Variants in GLRA2 observed in about 807,000 individuals in gnomAD.
The protein encoded by GLRA2 is glycine receptor alpha 2, also known as glycine receptor subunit alpha-2.
In GLRA2, 11 loss-of-function variants were observed where a neutral mutation model predicts 31.6. The ratio of observed to expected loss-of-function variants is 0.35; its 90% CI spans 0.22 to 0.58. The LOEUF (loss-of-function observed/expected upper bound fraction) is 0.58, where lower values mean the gene tolerates loss of function less well. GLRA2 is among the 20% of genes least tolerant of loss of function. The pLI, the probability that GLRA2 is intolerant of heterozygous loss-of-function variation, is 0.84. For missense variants in GLRA2, 212 were observed against 351.8 expected, an observed-to-expected ratio of 0.60 and a Z score of 3.18; for synonymous variants, 132 against 134.0, an observed-to-expected ratio of 0.99 and a Z score of 0.10.
intron 7 of GLRA2, among the ~76,000 whole-genome samples, chrX:14,681,913 AT>A (rs2091213279): frequency 5.0e-5 from 3 of 59,808 alleles, no homozygotes; most frequent in African/African-American, 1.7e-4. Flanking sequence ...AAAAAAAAAT[AT>A]ATATATATAT....
intron 8 of GLRA2, among the ~76,000 whole-genome samples, chrX:14,707,757 G>GGTGTGTGT (rs374444365): frequency 0.056 from 5,977 of 106,120 alleles, 370 homozygotes; most frequent in African/African-American, 0.18. Context: ...CAGCAAAAAA[G>GGTGTGTGT]GTGTGTGTGT....
At chrX:14,658,867 T>C (rs1488970536) in intron 7 of GLRA2, among the ~76,000 whole-genome samples, 5 of 112,438 alleles carry the variant, frequency 4.4e-5, no homozygotes. Context: ...CACTCTTAAA[T>C]GGCTTTAAGT....
chrX:14,612,642 C>T (rs2090412010), intron 7 of GLRA2, among the ~76,000 whole-genome samples: 1 of 111,007 alleles, frequency 9.0e-6, no homozygotes, highest in Non-Finnish European at 1.9e-5. Context: ...TACTATGCAG[C>T]CATGAAAAAG....
chrX:14,586,973 A>G (rs1032496891), intron 4 of GLRA2, among the ~76,000 whole-genome samples: 3 of 111,699 alleles, frequency 2.7e-5, no homozygotes, highest in African/African-American at 9.8e-5. Flanking sequence ...GGACGTCACA[A>G]TGGAGCTAGT....
At chrX:14,662,632 T>A (rs2091002586) in intron 7 of GLRA2, among the ~76,000 whole-genome samples, 1 of 111,869 alleles carries the variant, frequency 8.9e-6, no homozygotes, top group East Asian at 2.8e-4. Context: ...GAATGCTATA[T>A]ATGATTTGTT....
At chrX:14,631,198 C>T (rs1477957095) in intron 7 of GLRA2, among the ~76,000 whole-genome samples, 6 of 111,600 alleles carry the variant, frequency 5.4e-5, no homozygotes, top group Non-Finnish European at 1.1e-4. Context: ...AATCTCAATT[C>T]AGTATATTTT....
At chrX:14,561,594 G>A (rs1335984192) in intron 2 of GLRA2, among the ~76,000 whole-genome samples, 1 of 112,489 alleles carries the variant, frequency 8.9e-6, no homozygotes, top group East Asian at 2.8e-4. Flanking sequence ...TGTTGACTAG[G>A]GCACTGAGTT....
chrX:14,716,993 C>T (rs776109074), intron 8 of GLRA2, among the ~76,000 whole-genome samples: 4 of 110,525 alleles, frequency 3.6e-5, no homozygotes, highest in Non-Finnish European at 5.7e-5. Flanking sequence ...AAAAATATGC[C>T]TCCTATTATA....
Position 14,690,948 on chromosome X carries a change from C to A in GLRA2, c.1080+89C>A, listed in dbSNP as rs796664570. Reference sequence around the variant, plus strand: ...AGAAAACAGAAGAGCACACAATAAGCAAGAAGCCAAGGTTAATTTTTGTTC... The same window carrying A: ...AGAAAACAGAAGAGCACACAATAAGAAAGAAGCCAAGGTTAATTTTTGTTC... On this transcript the variant is annotated intron_variant, in intron 8 of 8. Transcript: ENST00000218075. 7.3e-6 allele frequency: 7 copies of A among 954,272 alleles called. No individual in the cohort carries two copies. The South Asian group carries it at 1.5e-4, about 21-fold the overall frequency. 78.6% of individuals were successfully genotyped at this position (954,272 alleles called of 1,213,427 possible). A position where few individuals can be genotyped will look rare whatever the true frequency, so the allele number is the denominator to read the frequency against.
At chrX:14,452,052 T>C in the GLRA2 span, among the ~76,000 whole-genome samples, 1 of 112,203 alleles carries the variant, frequency 8.9e-6, no homozygotes, top group African/African-American at 3.2e-5. Context: ...TAAATGACCG[T>C]TGGGTACTAT....
At chrX:14,629,452 G>A (rs2090621383) in intron 7 of GLRA2, among the ~76,000 whole-genome samples, 1 of 111,517 alleles carries the variant, frequency 9.0e-6, no homozygotes, top group Non-Finnish European at 1.9e-5. Context: ...AGAGTTCATT[G>A]CCTGTGGTTT....
At chrX:14,705,964 G>A (rs755937647) in intron 8 of GLRA2, among the ~76,000 whole-genome samples, 1 of 111,778 alleles carries the variant, frequency 8.9e-6, no homozygotes, top group Non-Finnish European at 1.9e-5. Flanking sequence ...ATGAGCTCTG[G>A]TATTTTCTAG....
Position 14,570,691 on chromosome X carries a change from A to G in GLRA2, c.203-3642A>G, listed in dbSNP as rs3027340. Among the ~76,000 whole-genome samples the G allele has an allele frequency of 3.9e-3, 431 of 111,739 alleles. 2 individuals carry two copies. Among genetic ancestry groups the G allele is most frequent in the Middle Eastern group, 0.019 (4 of 216 alleles). ...ATGATCCTGTTCCCTACCATAGCCA[A>G]TTTGATCAACTGATCTGAAAGCAAA... On this transcript the variant is annotated intron_variant, in intron 2 of 8. Coordinates refer to ENST00000218075, the MANE Select transcript of GLRA2 (RefSeq NM_002063.4).
At chrX:14,500,174 G>A in the GLRA2 span, among the ~76,000 whole-genome samples, 2 of 112,014 alleles carry the variant, frequency 1.8e-5, no homozygotes, top group African/African-American at 6.5e-5. Flanking sequence ...TTTGGCCAAA[G>A]GAGACATCAA....
chrX:14,522,260 C>G, the GLRA2 span, among the ~76,000 whole-genome samples: 1 of 112,408 alleles, frequency 8.9e-6, no homozygotes, highest in African/African-American at 3.2e-5. Context: ...CTTTGCTTAT[C>G]CATAAGTAAC....
At chrX:14,726,696 T>C (rs890761419) in intron 8 of GLRA2, among the ~76,000 whole-genome samples, 3 of 112,611 alleles carry the variant, frequency 2.7e-5, no homozygotes, top group African/African-American at 9.7e-5. Flanking sequence ...GCTCTGTTAA[T>C]TGAATGAGTT....
chrX:14,451,686 AT>A, the GLRA2 span, among the ~76,000 whole-genome samples: 1 of 104,392 alleles, frequency 9.6e-6, no homozygotes, highest in Non-Finnish European at 2.0e-5. Flanking sequence ...GGCAAGTTGG[AT>A]TAAAAAACCG....
intron 8 of GLRA2, among the ~76,000 whole-genome samples, chrX:14,700,798 T>C (rs1228388712): frequency 1.8e-5 from 2 of 110,270 alleles, no homozygotes; most frequent in African/African-American, 6.6e-5. Context: ...TTGGTTCTTT[T>C]GCTTTTTATT....
At chrX:14,698,455 G>A (rs2091481172) in intron 8 of GLRA2, among the ~76,000 whole-genome samples, 1 of 109,362 alleles carries the variant, frequency 9.1e-6, no homozygotes, top group Non-Finnish European at 1.9e-5. Flanking sequence ...GAGGTGGGTG[G>A]ATCACCTGAG....
Sources: allele counts gnomAD v4.1 joint callset (sites outside exome capture counted in the v4.1 genomes callset), GRCh38; gene constraint gnomAD v4.1.1; transcripts MANE v1.5; gene names NCBI Gene and HGNC (gene_info 2026-07-23, HGNC 2026-07-21).